Variants in MGARP observed in about 807,000 individuals in gnomAD.
MGARP encodes the protein protein MGARP.
Under a neutral mutation model 11.0 loss-of-function variants are expected in MGARP, and 12 were observed. The ratio of observed to expected loss-of-function variants is 1.09; its 90% confidence interval spans 0.70 to 1.77. The LOEUF is 1.77. Ranked by LOEUF, MGARP falls within the 40% of genes most tolerant of loss-of-function variation. MGARP has a pLI of 0.00. For synonymous variants in MGARP, 110 were observed against 115.4 expected, an observed-to-expected ratio of 0.95 and a Z score of 0.30; for missense variants, 283 against 297.8, an observed-to-expected ratio of 0.95 and a Z score of 0.36.
At chr4:139,270,477 C>T (rs1353126346) in intron 2 of MGARP, among the ~76,000 whole-genome samples, 3 of 150,920 alleles carry the variant, frequency 2.0e-5, no homozygotes, top group East Asian at 1.9e-4. Context: ...GGAGTGGTGG[C>T]GGGCGCCTGT....
chr4:139,268,553 C>T, intron 3 of MGARP, 119 bp downstream of exon 3: 1 of 634,248 alleles, frequency 1.6e-6, no homozygotes, highest in Non-Finnish European at 2.6e-6. Flanking sequence ...TACCTAGAGT[C>T]ATTCTGGATT....
In MGARP at chr4:139,278,585, T is replaced by C. The variant is rs538517256; in HGVS notation, c.82+1492A>G. Among the ~76,000 whole-genome samples, 290 of 151,206 alleles carry C rather than the reference T, an allele frequency of 1.9e-3. 2 individuals are homozygous for C. The highest frequency in any genetic ancestry group is 5.6e-3 in the African/African-American group (230 of 41,304). On this transcript the variant is annotated intron_variant, in intron 1 of 3. Transcript: ENST00000398955. ...TGCAGCTACAAAAAAAAGGTGCGCG[T>C]GTGTGTGTGTGTGTTTGTGTGTGCG...
At chr4:139,275,237 T>C in intron 2 of MGARP, 52 bp downstream of exon 2, 2 of 1,458,890 alleles carry the variant, frequency 1.4e-6, no homozygotes, top group Non-Finnish European at 1.9e-6. Flanking sequence ...AGCTTTACCA[T>C]GAGTTGTAAA....
In MGARP at chr4:139,267,845, G is replaced by C. The variant is rs1744719872; in HGVS notation, c.281-804C>G. Among the ~76,000 whole-genome samples, 4 of 152,308 alleles carry C rather than the reference G, an allele frequency of 2.6e-5. No homozygotes were observed. In the Middle Eastern group the frequency reaches 0.014, roughly 518 times the overall value. On this transcript the variant is annotated intron_variant, in intron 3 of 3. Coordinates refer to ENST00000398955, the MANE Select transcript of MGARP (RefSeq NM_032623.4). ...AAGCAAGAAGTGGCTAGGCATAGTG[G>C]CATATGCCTGTAATCCCAGCACTTT...
At chr4:139,273,721 C>T (rs1560932267) in intron 2 of MGARP, among the ~76,000 whole-genome samples, 2 of 151,804 alleles carry the variant, frequency 1.3e-5, no homozygotes, top group East Asian at 1.9e-4. Context: ...ACCATGTTGG[C>T]CAGGCTGGTC....
chr4:139,268,826 C>T (rs1744735027), intron 2 of MGARP, 61 bp from the exon 3 acceptor site: 1 of 1,229,682 alleles, frequency 8.1e-7, no homozygotes, highest in South Asian at 1.3e-5. Context: ...ACGCCACATC[C>T]AAAGGTACAC....
At position 139,275,337 on chromosome 4, in the gene MGARP, C is replaced by T. The variant is rs942112767; in HGVS notation, c.138G>A (p.Met46Ile). The T allele has an allele frequency of 6.2e-7, 1 of 1,613,866 alleles. No homozygotes were observed. The highest frequency in any genetic ancestry group is 1.3e-5 in the African/African-American group (1 of 74,888). Residue 46 changes from methionine to isoleucine, a missense_variant, in exon 2 of 4, where the codon ATG becomes ATA. Met to Ile is a conservative substitution (Grantham distance 10, BLOSUM62 1). Coordinates refer to ENST00000398955, the MANE Select transcript of MGARP (RefSeq NM_032623.4). ...TGACGCCTACAACCAGATAATAAATCATATTTGATCCAGATGATCCAGGGA... is the reference window on the plus strand; with the variant it reads ...TGACGCCTACAACCAGATAATAAATTATATTTGATCCAGATGATCCAGGGA... Reference protein sequence around the residue: ...NRFPGSSGSNMIYYLVVGVTV... With the variant: ...NRFPGSSGSNIIYYLVVGVTV...
intron 2 of MGARP, among the ~76,000 whole-genome samples, chr4:139,272,843 G>A (rs769603956): frequency 7.5e-4 from 114 of 151,312 alleles, no homozygotes; most frequent in Non-Finnish European, 1.2e-3. Context: ...CCGCCACCAC[G>A]CCCGGCTAAT....
At chr4:139,275,264 G>C (rs187360770) in intron 2 of MGARP, 25 bp downstream of exon 2, 1 of 1,568,832 alleles carries the variant, frequency 6.4e-7, no homozygotes, top group South Asian at 1.1e-5. Context: ...GAATTCTTGA[G>C]CACTGTGGTT....
intron 2 of MGARP, among the ~76,000 whole-genome samples, chr4:139,273,793 C>T (rs773700443): frequency 7.8e-4 from 119 of 152,074 alleles, no homozygotes; most frequent in Non-Finnish European, 9.9e-4. Flanking sequence ...AGATTACAGG[C>T]GTGAGCCACC....
At chr4:139,271,179 C>T (rs1158084045) in intron 2 of MGARP, among the ~76,000 whole-genome samples, 3 of 152,142 alleles carry the variant, frequency 2.0e-5, no homozygotes, top group African/African-American at 7.2e-5. Context: ...TAAGTATAAG[C>T]ATTTAAAATA....
chr4:139,269,871 T>A (rs937651653), intron 2 of MGARP, among the ~76,000 whole-genome samples: 1 of 152,176 alleles, frequency 6.6e-6, no homozygotes, highest in African/African-American at 2.4e-5. Flanking sequence ...GGTAAGATGA[T>A]AGATTTCTAA....
intron 1 of MGARP, among the ~76,000 whole-genome samples, chr4:139,279,605 C>T (rs1744924386): frequency 6.6e-6 from 1 of 152,162 alleles, no homozygotes; most frequent in Admixed American, 6.5e-5. Flanking sequence ...TGCCTCCCAG[C>T]GCTTGCCGGG....
At chr4:139,279,462 G>A (rs1170788724) in intron 1 of MGARP, among the ~76,000 whole-genome samples, 1 of 152,176 alleles carries the variant, frequency 6.6e-6, no homozygotes, top group Non-Finnish European at 1.5e-5. Flanking sequence ...CCCGAAGGCC[G>A]CTTCCTTTTT....
chr4:139,280,125 C>T lies in MGARP; in HGVS notation c.34G>A (p.Ala12Thr). The change falls in exon 1 of 4, where the codon GCG (alanine) becomes ACG (threonine). Residue 12 changes from alanine (A) to threonine (T), a missense_variant. Physicochemically the swap from Ala to Thr is moderately conservative, Grantham distance 58. Transcript: ENST00000398955. ...TTGGGGGGCGCCCTCAGCGGCAGCG[C>T]CAGAGTCTTGGAGACCGCCCTGCGG... ...YLRRAVSKTL[A>T]LPLRAPPNPA... The T allele has an allele frequency of 6.2e-7, 1 of 1,611,870 alleles. No individual in the cohort carries two copies. Among genetic ancestry groups the T allele is most frequent in the South Asian group, 1.1e-5 (1 of 91,034 alleles).
chr4:139,266,990 T>A lies in MGARP; in HGVS notation c.332A>T (p.Glu111Val). 2 of 1,614,182 alleles carry A rather than the reference T, an allele frequency of 1.2e-6. No homozygotes were observed. Among genetic ancestry groups the A allele is most frequent in the South Asian group, 2.2e-5 (2 of 91,086 alleles). The stretch of plus-strand genomic sequence containing the variant: ...CACCTCAGCTTCCACTATAAGTTCT[T>A]CTGGGGCTTCTGAACTTGCTTTCTC... ...ETEKASSEAP[E>V]ELIVEAEVVD... The change falls in exon 4 of 4, where the codon GAA (glutamate) becomes GTA (valine). Residue 111 changes from glutamate (E) to valine (V), a missense_variant. Physicochemically the swap from Glu to Val is moderately radical, Grantham distance 121. Coordinates refer to ENST00000398955, the MANE Select transcript of MGARP (RefSeq NM_032623.4).
rs139798514 is a variant in MGARP, at chr4:139,268,697, T to C, written c.255A>G (p.Thr85=). Residue 85 remains threonine, a synonymous_variant, in exon 3 of 4, where the codon ACA becomes ACG. Coordinates refer to ENST00000398955, the MANE Select transcript of MGARP (RefSeq NM_032623.4). ...CTTGAAATGGATGTATCTCTGCTTTTGTTTTTTCTTTCAAATTTGTTTTAT... is the reference window on the plus strand; with the variant it reads ...CTTGAAATGGATGTATCTCTGCTTTCGTTTTTTCTTTCAAATTTGTTTTAT... The part of the protein sequence containing the change: ...TEHKTNLKEK[T]KAEIHPFQGE... 1.0e-4 allele frequency: 162 copies of C among 1,610,220 alleles called. 3 individuals carry two copies. In the East Asian group the frequency reaches 3.1e-3, roughly 30 times the overall value.
At position 139,275,297 on chromosome 4, in the gene MGARP, C is replaced by T; in HGVS notation, c.178G>A (p.Gly60Arg). The T allele has an allele frequency of 6.2e-7, 1 of 1,612,830 alleles. No homozygotes were observed. Among genetic ancestry groups the T allele is most frequent in the Non-Finnish European group, 8.5e-7 (1 of 1,179,080 alleles). ...LVVGVTVSAG[G>R]YYAYKTVTSD... ...GTTATATAATCACTTACATAATATC[C>T]ACCAGCACTGACTGTGACGCCTACA... The change falls in exon 2 of 4, where the codon GGA (glycine) becomes AGA (arginine). Residue 60 changes from glycine (G) to arginine (R), a missense_variant. Coordinates refer to ENST00000398955, the MANE Select transcript of MGARP (RefSeq NM_032623.4).
intron 3 of MGARP, among the ~76,000 whole-genome samples, chr4:139,267,836 G>A (rs575493277): frequency 6.6e-6 from 1 of 152,254 alleles, no homozygotes; most frequent in East Asian, 1.9e-4. Flanking sequence ...GAAGTGGCTA[G>A]GCATAGTGGC....
Sources: gnomAD v4.1 joint callset for allele counts (sites outside exome capture counted in the v4.1 genomes callset) on GRCh38, gnomAD v4.1.1 for gene constraint, MANE v1.5 for transcripts, NCBI Gene and HGNC (gene_info 2026-07-23, HGNC 2026-07-21) for gene names.